Variants in PDE10A observed in about 807,000 individuals in gnomAD.
The protein encoded by PDE10A is cAMP and cAMP-inhibited cGMP 3',5'-cyclic phosphodiesterase 10A.
PDE10A carries 39 observed loss-of-function variants against 97.7 expected under a neutral mutation model. The ratio of observed to expected loss-of-function variants is 0.40; its 90% CI spans 0.31 to 0.52. PDE10A has a LOEUF of 0.52. Among genes scored for constraint, PDE10A ranks in the 20% least tolerant of loss-of-function variants. PDE10A has a pLI of 0.56. For synonymous variants in PDE10A, 371 were observed against 376.8 expected (o/e 0.98, Z 0.18); for missense variants, 731 against 1,047.8 (o/e 0.70, Z 4.17).
intron 1 of PDE10A, among the ~76,000 whole-genome samples, chr6:165,723,280 G>A (rs376711057): frequency 5.0e-4 from 76 of 152,290 alleles, no homozygotes; most frequent in Middle Eastern, 3.4e-3. Context: ...CTTTGCTCTC[G>A]ACAATTTCTG....
intron 13 of PDE10A, among the ~76,000 whole-genome samples, chr6:165,413,072 CT>C (rs1443942579): frequency 6.6e-6 from 1 of 151,780 alleles, no homozygotes; most frequent in Non-Finnish European, 1.5e-5. Context: ...TGGTGCCTCA[CT>C]TTTTGTCACA....
intron 2 of PDE10A, among the ~76,000 whole-genome samples, chr6:165,502,777 A>C (rs922988437): frequency 6.6e-5 from 10 of 152,222 alleles, no homozygotes; most frequent in African/African-American, 2.4e-4. Context: ...GAGTGTCTTT[A>C]CATGAAATTC....
chr6:165,617,396 G>A (rs1787774778), intron 1 of PDE10A, among the ~76,000 whole-genome samples: 1 of 152,214 alleles, frequency 6.6e-6, no homozygotes, highest in Non-Finnish European at 1.5e-5. Context: ...CCAGGCTGGA[G>A]TGCAGTGGCG....
At chr6:165,747,799 G>A (rs1312005345) in intron 1 of PDE10A, among the ~76,000 whole-genome samples, 2 of 152,196 alleles carry the variant, frequency 1.3e-5, no homozygotes, top group Non-Finnish European at 2.9e-5. Context: ...GGCAGACGGA[G>A]GGAAGGAGGA....
chr6:165,942,577 G>A (rs561773989), intron 1 of PDE10A, among the ~76,000 whole-genome samples: 6 of 152,172 alleles, frequency 3.9e-5, no homozygotes, highest in African/African-American at 7.2e-5. Context: ...CTCTGCCCCC[G>A]CTCTGCCCCG....
chr6:165,374,137 G>A (rs1784452352), intron 18 of PDE10A, among the ~76,000 whole-genome samples: 1 of 148,666 alleles, frequency 6.7e-6, no homozygotes, highest in South Asian at 2.2e-4. Flanking sequence ...GCTAAATGAC[G>A]AATTAATGGG....
chr6:165,551,138 T>G (rs1018182010), intron 1 of PDE10A, among the ~76,000 whole-genome samples: 2 of 152,224 alleles, frequency 1.3e-5, no homozygotes, highest in Non-Finnish European at 2.9e-5. Context: ...TCTCCCCAAC[T>G]GCATACAATT....
intron 5 of PDE10A, among the ~76,000 whole-genome samples, chr6:165,438,181 A>T (rs1790166515): frequency 6.6e-6 from 1 of 151,890 alleles, no homozygotes; most frequent in Non-Finnish European, 1.5e-5. Flanking sequence ...CGCTTTTTTT[A>T]ATTTTTAATT....
At chr6:165,864,832 T>G (rs1004134754) in intron 1 of PDE10A, among the ~76,000 whole-genome samples, 3 of 152,072 alleles carry the variant, frequency 2.0e-5, no homozygotes, top group Non-Finnish European at 4.4e-5. Context: ...AATGAAGAAT[T>G]TCAATAATAG....
intron 1 of PDE10A, among the ~76,000 whole-genome samples, chr6:165,889,734 C>G: frequency 6.6e-6 from 1 of 152,080 alleles, no homozygotes; most frequent in Non-Finnish European, 1.5e-5. Context: ...AACTATGGAC[C>G]CTCTAGACTA....
At chr6:165,367,815 CAAAA>C (rs970416163) in intron 18 of PDE10A, among the ~76,000 whole-genome samples, 5 of 148,972 alleles carry the variant, frequency 3.4e-5, no homozygotes, top group African/African-American at 1.2e-4. Context: ...AAAACAAAAA[CAAAA>C]AACAAAAACA....
chr6:165,615,814 G>C (rs1254009771), intron 1 of PDE10A, among the ~76,000 whole-genome samples: 2 of 152,154 alleles, frequency 1.3e-5, no homozygotes, highest in African/African-American at 4.8e-5. Context: ...CACCATGTCA[G>C]CCCTGCCTGT....
intron 17 of PDE10A, among the ~76,000 whole-genome samples, chr6:165,383,450 T>C (rs1302545824): frequency 6.6e-6 from 1 of 152,184 alleles, no homozygotes; most frequent in Non-Finnish European, 1.5e-5. Flanking sequence ...CAAAACAGTC[T>C]GCTCACATGA....
At position 165,393,106 on chromosome 6, in the gene PDE10A, G is replaced by T. The variant is rs533198227; in HGVS notation, c.2304-310C>A. ...TCACCAGCCCTCATGATCTTCTTTA[G>T]TTTTACGTTCATTTCCTAAACCCCA... On this transcript the variant is annotated intron_variant, in intron 15 of 21. Coordinates refer to ENST00000539869, the MANE Select transcript of PDE10A (RefSeq NM_001385079.1). Among the ~76,000 whole-genome samples the T allele has an allele frequency of 1.5e-3, 232 of 152,198 alleles. 1 individual carries two copies. Among genetic ancestry groups the T allele is most frequent in the African/African-American group, 5.3e-3 (221 of 41,542 alleles).
At chr6:165,433,330 C>G (rs1362837089) in intron 6 of PDE10A, among the ~76,000 whole-genome samples, 2 of 152,080 alleles carry the variant, frequency 1.3e-5, no homozygotes, top group Non-Finnish European at 2.9e-5. Flanking sequence ...CCAAATACTG[C>G]TTTAATATTT....
chr6:165,367,029 C>A (rs1030937489), intron 18 of PDE10A, among the ~76,000 whole-genome samples: 4 of 151,804 alleles, frequency 2.6e-5, no homozygotes, highest in Non-Finnish European at 5.9e-5. Flanking sequence ...GTCAACAAGA[C>A]AAAACTCATA....
At chr6:165,856,492 T>A (rs1344351118) in intron 1 of PDE10A, among the ~76,000 whole-genome samples, 3 of 152,222 alleles carry the variant, frequency 2.0e-5, no homozygotes, top group Admixed American at 6.5e-5. Context: ...CTTTTTGATG[T>A]CGTCCATGAA....
intron 1 of PDE10A, among the ~76,000 whole-genome samples, chr6:165,852,427 C>A (rs1432317738): frequency 1.3e-5 from 2 of 152,234 alleles, no homozygotes; most frequent in East Asian, 1.9e-4. Flanking sequence ...GTGATGCCTT[C>A]ATTGAAGCCC....
intron 6 of PDE10A, among the ~76,000 whole-genome samples, chr6:165,433,773 T>C (rs1345093158): frequency 2.0e-5 from 3 of 151,922 alleles, no homozygotes; most frequent in Non-Finnish European, 4.4e-5. Context: ...CCCAGCACTT[T>C]GGGAGGCCGA....
Sources: allele counts gnomAD v4.1 joint callset (sites outside exome capture counted in the v4.1 genomes callset), GRCh38; gene constraint gnomAD v4.1.1; transcripts MANE v1.5; gene names NCBI Gene and HGNC (gene_info 2026-07-23, HGNC 2026-07-21).